The following HEATR6 variants were observed in gnomAD, a reference collection of about 807,000 sequenced individuals.
HEATR6 encodes the protein HEAT repeat-containing protein 6.
Under a neutral mutation model 132.8 loss-of-function variants are expected in HEATR6, and 106 were observed. That is an observed-to-expected ratio of 0.80 (90% CI 0.68 to 0.94). The LOEUF (loss-of-function observed/expected upper bound fraction) is 0.94. HEATR6 is among the 40% of genes least tolerant of loss of function. HEATR6 has a pLI of 0.00. For missense variants in HEATR6, 1,339 were observed against 1,425.1 expected (o/e 0.94, Z 0.97); for synonymous variants, 529 against 537.8 (o/e 0.98, Z 0.23).
chr17:60,071,948 C>T (rs1201948356), intron 5 of HEATR6, among the ~76,000 whole-genome samples: 1 of 152,154 alleles, frequency 6.6e-6, no homozygotes, highest in African/African-American at 2.4e-5. Context: ...AAGATAGTCA[C>T]TAGCCTGCAA....
At chr17:60,077,878 T>C (rs1425129929) in intron 1 of HEATR6, among the ~76,000 whole-genome samples, 4 of 152,054 alleles carry the variant, frequency 2.6e-5, no homozygotes, top group African/African-American at 9.7e-5. Context: ...CTGAGAAATA[T>C]ATATGAGACA....
At position 60,056,243 on chromosome 17, in the gene HEATR6, A is replaced by T; in HGVS notation, c.2080-6T>A. 6.2e-7 allele frequency: 1 copy of T among 1,612,780 alleles called. No homozygotes were observed. The highest frequency in any genetic ancestry group is 1.1e-5 in the South Asian group (1 of 90,830). On this transcript the variant is annotated splice_region_variant and splice_polypyrimidine_tract_variant and intron_variant, in intron 12 of 19. Coordinates refer to ENST00000184956, the MANE Select transcript of HEATR6 (RefSeq NM_022070.5). ...CTTGCCAGAAGAGTCAATACCTGCA[A>T]AGAGAGCATGGAATTAACCCTCTAA...
Position 60,072,265 on chromosome 17 carries a change from T to C in HEATR6, c.649A>G (p.Ile217Val), listed in dbSNP as rs1409441622. ...TCAGATGATTTTGGAGACTGTAAAA[T>C]AGTCAGAAAAGCTTGGAAACAGACA... ...QNVCFQAFLT[I>V]LQSPKSSDMD... is the part of the protein sequence containing the mutation. The change falls in exon 5 of 20, where the codon ATT becomes GTT. Residue 217 changes from isoleucine to valine, a missense_variant. Ile to Val is a conservative substitution (Grantham distance 29). Coordinates refer to ENST00000184956, the MANE Select transcript of HEATR6 (RefSeq NM_022070.5). The C allele has an allele frequency of 6.2e-7, 1 of 1,610,822 alleles. No individual in the cohort carries two copies. Among genetic ancestry groups the C allele is most frequent in the East Asian group, 2.2e-5 (1 of 44,810 alleles).
At chr17:60,062,056 C>T (rs1304434966) in intron 9 of HEATR6, among the ~76,000 whole-genome samples, 2 of 152,176 alleles carry the variant, frequency 1.3e-5, no homozygotes, top group Non-Finnish European at 2.9e-5. Flanking sequence ...CACTAAGTTA[C>T]AAAATCTATA....
intron 4 of HEATR6, 55 bp from the exon 5 acceptor site, chr17:60,072,384 G>T (rs3744375): frequency 1.0e-6 from 1 of 956,526 alleles, no homozygotes; most frequent in East Asian, 2.5e-5. Context: ...AATGAGGCTT[G>T]CAAAAGACTA....
At chr17:60,059,597 T>A in intron 10 of HEATR6, 76 bp from the exon 11 acceptor site, 1 of 1,036,058 alleles carries the variant, frequency 9.7e-7, no homozygotes, top group Non-Finnish European at 1.4e-6. Flanking sequence ...AGCATTTAAT[T>A]AAAAAAGAAA....
chr17:60,046,574 C>T (rs1000939897), intron 18 of HEATR6, among the ~76,000 whole-genome samples: 3 of 152,138 alleles, frequency 2.0e-5, no homozygotes, highest in Admixed American at 6.5e-5. Flanking sequence ...TAATTCCAGT[C>T]CAATACTTTT....
chr17:60,064,001 TCTTTATTTTAAAAGC>T (rs1380250701), intron 9 of HEATR6: 1 of 152,146 alleles, frequency 6.6e-6, no homozygotes, highest in African/African-American at 2.4e-5. Flanking sequence ...TTTCTAGAAG[TCTTTATTTTAAAAGC>T]CTGTCCCACT....
intron 15 of HEATR6, among the ~76,000 whole-genome samples, chr17:60,050,430 C>CT (rs1906539319): frequency 6.6e-6 from 1 of 152,178 alleles, no homozygotes; most frequent in African/African-American, 2.4e-5. Context: ...GACAACAAAT[C>CT]TAAGTATTTT....
rs905462092 is a variant in HEATR6, at chr17:60,078,710, C to T, written c.205G>A (p.Gly69Ser). Residue 69 changes from glycine to serine, a missense_variant, in exon 1 of 20, where the codon GGC becomes AGC. Gly to Ser is a moderately conservative substitution (Grantham distance 56). Coordinates refer to ENST00000184956, the MANE Select transcript of HEATR6 (RefSeq NM_022070.5). Reference sequence around the variant, plus strand: ...GCGCCGCCTACCTCCGGGGCCACGCCACTGCCCTCGCTGTAGTTCTCGGAG... The same window carrying T: ...GCGCCGCCTACCTCCGGGGCCACGCTACTGCCCTCGCTGTAGTTCTCGGAG... ...LISENYSEGS[G>S]VAPEDVSALL... is the part of the protein sequence containing the mutation. 4.5e-6 allele frequency: 7 copies of T among 1,544,968 alleles called. No homozygotes were observed. The highest frequency in any genetic ancestry group is 6.1e-6 in the Non-Finnish European group (7 of 1,146,614).
chr17:60,050,734 C>T (rs1186604911), intron 15 of HEATR6, 109 bp downstream of exon 15: 2 of 1,329,822 alleles, frequency 1.5e-6, no homozygotes, highest in Non-Finnish European at 2.1e-6. Context: ...AGAACTAGCG[C>T]CTTTTCATCA....
At position 60,057,156 on chromosome 17, in the gene HEATR6, G is replaced by A; in HGVS notation, c.1971C>T (p.Cys657=). The A allele has an allele frequency of 6.2e-7, 1 of 1,614,158 alleles. No homozygotes were observed. Among genetic ancestry groups the A allele is most frequent in the Non-Finnish European group, 8.5e-7 (1 of 1,180,004 alleles). The part of the protein sequence containing the change: ...SSEPCWLIRL[C]ISIVVLPKED... ...CCTTGGGCAGTACGACAATGGAAAT[G>A]CAGAGTCGAATGAGCCAGCAGGGCT... The change falls in exon 12 of 20, where the codon TGC becomes TGT. Residue 657 remains cysteine, a synonymous_variant. Transcript: ENST00000184956.
chr17:60,066,728 T>A (rs2083242869), intron 8 of HEATR6, among the ~76,000 whole-genome samples: 1 of 152,216 alleles, frequency 6.6e-6, no homozygotes, highest in Non-Finnish European at 1.5e-5. Context: ...ATCTACTGAA[T>A]GACCTATGTA....
intron 2 of HEATR6, among the ~76,000 whole-genome samples, chr17:60,074,412 G>A (rs1320861671): frequency 2.6e-5 from 4 of 152,200 alleles, no homozygotes. Flanking sequence ...CTGTCACCAA[G>A]TGCTGGAAAG....
rs747925167 is a variant in HEATR6 at position 60,059,449 on chromosome 17, G to C, written c.1696C>G (p.Gln566Glu). 2 of 1,613,078 alleles carry C rather than the reference G, an allele frequency of 1.2e-6. No individual in the cohort carries two copies. The highest frequency in any genetic ancestry group is 1.7e-6 in the Non-Finnish European group (2 of 1,179,354). ...KLSLLTKVWN[Q>E]IKPYIRHKDV... ...TTGTGGCGAATATAAGGCTTTATCT[G>C]GTTCCAGACTTTGGTCAGCAGGCTG... is the stretch of plus-strand genomic sequence containing the variant. Residue 566 changes from glutamine (Q) to glutamate (E), a missense_variant, in exon 11 of 20, where the codon CAG becomes GAG. By Grantham distance (29) the Gln-to-Glu change is conservative (BLOSUM62 2). Transcript: ENST00000184956.
intron 1 of HEATR6, chr17:60,076,498 C>T (rs944043634): frequency 3.3e-5 from 12 of 363,978 alleles, no homozygotes; most frequent in African/African-American, 2.5e-4. Flanking sequence ...CCCAGGAGTC[C>T]AAGACCAGCT....
rs1906188374 is a variant in HEATR6, at chr17:60,042,070, CCT to C, written c.*1491_*1492del. On this transcript the variant is annotated 3_prime_UTR_variant, in exon 20 of 20. Transcript: ENST00000184956. ...CATTATCAAAATATAATTGGAAACCCCTCTTTGTAACCAACTAACCAAATGAT... is the reference window on the plus strand; with the variant it reads ...CATTATCAAAATATAATTGGAAACCCCTTTGTAACCAACTAACCAAATGAT... 1.3e-5 allele frequency among the ~76,000 whole-genome samples: 2 copies of C among 152,140 alleles called. No individual in the cohort carries two copies. Among genetic ancestry groups the C allele is most frequent in the African/African-American group, 4.8e-5 (2 of 41,420 alleles).
intron 9 of HEATR6, among the ~76,000 whole-genome samples, chr17:60,061,675 T>G (rs1421081973): frequency 1.3e-5 from 2 of 152,252 alleles, no homozygotes; most frequent in Non-Finnish European, 2.9e-5. Context: ...CATATAATTT[T>G]CACATATCAC....
At position 60,043,408 on chromosome 17, in the gene HEATR6, T is replaced by G. The variant is rs1035385502; in HGVS notation, c.*155A>C. On this transcript the variant is annotated 3_prime_UTR_variant, in exon 20 of 20. Coordinates refer to ENST00000184956, the MANE Select transcript of HEATR6 (RefSeq NM_022070.5). The stretch of plus-strand genomic sequence containing the variant: ...GCTATGGAGTCACTCCAAAGGTGGT[T>G]GAGCCCTCTGTGAAAATTTAAATGG... The G allele has an allele frequency of 1.5e-6, 1 of 674,930 alleles. No individual in the cohort carries two copies. 41.8% of individuals were successfully genotyped at this position (674,930 alleles called of 1,614,324 possible).
Sources: allele counts gnomAD v4.1 joint callset (sites outside exome capture counted in the v4.1 genomes callset), GRCh38; gene constraint gnomAD v4.1.1; transcripts MANE v1.5; gene names NCBI Gene and HGNC (gene_info 2026-07-23, HGNC 2026-07-21).